Variants in CDKL4 observed in about 807,000 individuals in gnomAD.
CDKL4 encodes the protein cyclin-dependent kinase-like 4.
Under a neutral mutation model 42.0 loss-of-function variants are expected in CDKL4, and 44 were observed. The observed-to-expected ratio is 1.05, with a 90% CI of 0.82 to 1.35. CDKL4 has a LOEUF of 1.35. Ranked by LOEUF, CDKL4 falls within the 40% of genes most tolerant of loss-of-function variation. The pLI is 0.00. For synonymous variants in CDKL4, 120 were observed against 121.6 expected (o/e 0.99, Z 0.09); for missense variants, 393 against 369.9 (o/e 1.06, Z -0.51).
At chr2:39,202,169 T>C (rs900884125) in intron 5 of CDKL4, among the ~76,000 whole-genome samples, 4 of 151,508 alleles carry the variant, frequency 2.6e-5, no homozygotes, top group African/African-American at 9.7e-5. Flanking sequence ...GAAGTGGAGT[T>C]TGCGGTGAGC....
chr2:39,196,851 C>T (rs964935715), intron 5 of CDKL4, among the ~76,000 whole-genome samples: 4 of 152,196 alleles, frequency 2.6e-5, no homozygotes, highest in African/African-American at 9.6e-5. Context: ...CAGGTATCTG[C>T]CCACCTTGGC....
intron 9 of CDKL4, chr2:39,178,657 C>T (rs1675267644): frequency 1.2e-6 from 2 of 1,600,944 alleles, no homozygotes; most frequent in Non-Finnish European, 8.5e-7. Context: ...AATATTGGCC[C>T]ATTGGGTAGA....
chr2:39,190,431 T>A, exon 6 of CDKL4: 9 of 1,613,818 alleles, frequency 5.6e-6, no homozygotes, highest in Non-Finnish European at 7.6e-6. Flanking sequence ...CCATACTGAG[T>A]ATCTCCCACA....
At chr2:39,208,862 C>A (rs1308720299) in intron 4 of CDKL4, among the ~76,000 whole-genome samples, 1 of 151,916 alleles carries the variant, frequency 6.6e-6, no homozygotes, top group Non-Finnish European at 1.5e-5. Context: ...TTTTTATTAT[C>A]TGAGAAATTT....
chr2:39,245,479 T>C (rs1197187192), upstream of CDKL4, among the ~76,000 whole-genome samples: 1 of 152,194 alleles, frequency 6.6e-6, no homozygotes, highest in Non-Finnish European at 1.5e-5. Context: ...GGCTTCATTC[T>C]TGAAGTCAGT....
chr2:39,246,477 AGCT>A (rs2148421477), upstream of CDKL4, among the ~76,000 whole-genome samples: 1 of 152,288 alleles, frequency 6.6e-6, no homozygotes, highest in South Asian at 2.1e-4. Context: ...GTTGATTCCT[AGCT>A]GCTTCTCTCA....
chr2:39,237,637 C>T (rs1439948187), intron 1 of CDKL4, among the ~76,000 whole-genome samples: 1 of 152,160 alleles, frequency 6.6e-6, no homozygotes, highest in African/African-American at 2.4e-5. Flanking sequence ...GGGAGGATTG[C>T]TTGAGGCCAA....
chr2:39,227,715 A>T (rs750025453), intron 2 of CDKL4, among the ~76,000 whole-genome samples: 3 of 152,258 alleles, frequency 2.0e-5, no homozygotes, highest in Non-Finnish European at 4.4e-5. Context: ...ACAGTATGGA[A>T]GCAAAGCAGG....
At chr2:39,176,590 T>C (rs1378895371) in intron 9 of CDKL4, among the ~76,000 whole-genome samples, 2 of 152,120 alleles carry the variant, frequency 1.3e-5, no homozygotes, top group Admixed American at 6.6e-5. Context: ...TGAGCCACCA[T>C]GCCCAGCTAA....
chr2:39,179,324 T>C lies in CDKL4; in HGVS notation c.793-3A>G, dbSNP rs1675307676. 6.3e-7 allele frequency: 1 copy of C among 1,587,472 alleles called. No homozygotes were observed. ...TCTGGATTCATCTTCAGACACCCCT[T>C]TGGAGGAAGAGAATAGCAAAGAAGA... On this transcript the variant is annotated splice_region_variant and splice_polypyrimidine_tract_variant and intron_variant, in intron 8 of 9. Transcript: ENST00000451199.
In CDKL4 at chr2:39,225,980, C is replaced by A; in HGVS notation, c.169-20G>T. 6.2e-7 allele frequency: 1 copy of A among 1,603,220 alleles called. No individual in the cohort carries two copies. The highest frequency in any genetic ancestry group is 2.3e-5 in the East Asian group (1 of 44,116). On this transcript the variant is annotated intron_variant, in intron 2 of 9. Coordinates refer to ENST00000451199, the Ensembl canonical transcript of CDKL4. ...TAATTGCTGTGAAAGAATTGAAATG[C>A]AAAGTTAAGTGATCTGTTACTAGTA... is the stretch of plus-strand genomic sequence containing the variant.
chr2:39,202,181 G>A (rs1414349084), intron 5 of CDKL4, among the ~76,000 whole-genome samples: 5 of 151,792 alleles, frequency 3.3e-5, no homozygotes, highest in Non-Finnish European at 7.4e-5. Context: ...GCGGTGAGCC[G>A]AGATCACACC....
intron 1 of CDKL4, among the ~76,000 whole-genome samples, chr2:39,240,077 G>A (rs1464429896): frequency 2.7e-5 from 4 of 149,736 alleles, no homozygotes; most frequent in African/African-American, 9.9e-5. Context: ...GTGACAGAGT[G>A]AGACTCTGTC....
At chr2:39,179,293 C>G (rs1317442152) in exon 9 of CDKL4, 1 of 1,608,102 alleles carries the variant, frequency 6.2e-7, no homozygotes. Flanking sequence ...ACAGGTTAAT[C>G]TGTCATCTGG....
chr2:39,171,340 C>A (rs1158377748), downstream of CDKL4, among the ~76,000 whole-genome samples: 2 of 151,404 alleles, frequency 1.3e-5, no homozygotes, highest in Admixed American at 6.6e-5. Context: ...GGAAAAAAAA[C>A]AAACTACTTT....
At chr2:39,194,092 C>G (rs948941226) in intron 5 of CDKL4, among the ~76,000 whole-genome samples, 2 of 152,154 alleles carry the variant, frequency 1.3e-5, no homozygotes, top group Non-Finnish European at 2.9e-5. Flanking sequence ...AGGGCACTTA[C>G]TGCGTTCTCA....
intron 5 of CDKL4, among the ~76,000 whole-genome samples, chr2:39,196,518 A>C (rs1038514806): frequency 4.9e-4 from 74 of 152,364 alleles, no homozygotes; most frequent in African/African-American, 1.6e-3. Flanking sequence ...GAATCTGAAC[A>C]GCAGCCCTCA....
chr2:39,227,934 T>C (rs1278033995), intron 2 of CDKL4, among the ~76,000 whole-genome samples: 1 of 152,064 alleles, frequency 6.6e-6, no homozygotes, highest in East Asian at 1.9e-4. Flanking sequence ...AACAAGACTA[T>C]GTGAGGAAAG....
intron 9 of CDKL4, among the ~76,000 whole-genome samples, chr2:39,177,890 T>C (rs536172533): frequency 3.9e-5 from 6 of 152,118 alleles, no homozygotes; most frequent in Non-Finnish European, 7.4e-5. Flanking sequence ...GGTTTTGCCA[T>C]GTTGGCCAGG....
Sources: allele counts gnomAD v4.1 joint callset (sites outside exome capture counted in the v4.1 genomes callset), GRCh38; gene constraint gnomAD v4.1.1; transcripts MANE v1.5; gene names NCBI Gene and HGNC (gene_info 2026-07-23, HGNC 2026-07-21).